Variants in SLC9A3 observed in about 807,000 individuals in gnomAD.
SLC9A3 encodes the protein solute carrier family 9 member A3.
In SLC9A3, 37 loss-of-function variants were observed where a neutral mutation model predicts 86.8. The ratio of observed to expected loss-of-function variants is 0.43; its 90% CI spans 0.33 to 0.56. The LOEUF (loss-of-function observed/expected upper bound fraction) is 0.56. Ranked by LOEUF, SLC9A3 falls within the 20% of genes least tolerant of loss-of-function variation. The probability of loss-of-function intolerance (pLI) is 0.06; values close to 1 mark genes in which losing one functional copy is unlikely to be tolerated. For missense variants in SLC9A3, 1,011 were observed against 1,171.9 expected (o/e 0.86, Z 2.00); for synonymous variants, 581 against 528.3 (o/e 1.10, Z -1.37).
intron 1 of SLC9A3, among the ~76,000 whole-genome samples, chr5:502,784 A>G (rs918382760): frequency 7.9e-5 from 12 of 152,208 alleles, no homozygotes; most frequent in Non-Finnish European, 2.9e-5. Flanking sequence ...ATAACCACTC[A>G]CTACCAGTGA....
chr5:509,808 G>T (rs1006274540), intron 1 of SLC9A3, among the ~76,000 whole-genome samples: 6 of 152,156 alleles, frequency 3.9e-5, no homozygotes, highest in African/African-American at 1.4e-4. Context: ...TCCGTGTCTC[G>T]CATGGATGCC....
intron 2 of SLC9A3, among the ~76,000 whole-genome samples, chr5:488,956 C>A (rs111275646): frequency 6.6e-6 from 1 of 152,148 alleles, no homozygotes; most frequent in South Asian, 2.1e-4. Flanking sequence ...AGCAGGGCTG[C>A]GGTGGGAGCA....
rs763253839 is a variant in SLC9A3 at position 485,176 on chromosome 5, C to G, written c.731G>C (p.Gly244Ala). ...ACCTATGCCCTTCACGCAGTCCACG[C>G]CAGTCACGTTGTCACCTCCCAGCGC... ...FVALGGDNVT[G>A]VDCVKGIVSF... Residue 244 changes from glycine to alanine, a missense_variant, in exon 4 of 17, where the codon GGC becomes GCC. Around this residue, in one of 3 missense-constraint regions of SLC9A3, gnomAD observed 565 missense variants for 790.0 expected, o/e 0.72. Transcript: ENST00000264938. The G allele has an allele frequency of 6.2e-7, 1 of 1,613,920 alleles. No homozygotes were observed. Among genetic ancestry groups the G allele is most frequent in the South Asian group, 1.1e-5 (1 of 91,080 alleles).
At position 473,216 on chromosome 5, in the gene SLC9A3, C is replaced by T. The variant is rs1482695290; in HGVS notation, c.*163G>A. On this transcript the variant is annotated 3_prime_UTR_variant, in exon 17 of 17. Coordinates refer to ENST00000264938, the MANE Select transcript of SLC9A3 (RefSeq NM_004174.4). ...GCTCTGCGGGCGCAGGCGCGGCACT[C>T]TCGGAGTTCTGCGCAGGCGCTGGCG... 1 of 761,580 alleles carries T rather than the reference C, an allele frequency of 1.3e-6. No individual in the cohort carries two copies. The highest frequency in any genetic ancestry group is 2.0e-5 in the African/African-American group (1 of 49,576). 47.2% of individuals were successfully genotyped at this position (761,580 alleles called of 1,614,324 possible).
In SLC9A3 at chr5:496,307, C is replaced by T. The variant is rs1464473060; in HGVS notation, c.212-4236G>A. On this transcript the variant is annotated intron_variant, in intron 1 of 16. Transcript: ENST00000264938. The surrounding 1 kb of genome is among the most constrained non-coding windows in gnomAD (Gnocchi z 4.7). ...CTGTGTCCTCCTGCATGGGACATGC[C>T]GTCCCACCTGCCCACGGGGGAGGAG... is the stretch of plus-strand genomic sequence containing the variant. 6.6e-6 allele frequency among the ~76,000 whole-genome samples: 1 copy of T among 151,180 alleles called. No individual in the cohort carries two copies. Among genetic ancestry groups the T allele is most frequent in the Non-Finnish European group, 1.5e-5 (1 of 67,780 alleles).
intron 1 of SLC9A3, among the ~76,000 whole-genome samples, chr5:510,469 G>A (rs1054119348): frequency 1.2e-4 from 18 of 152,178 alleles, no homozygotes; most frequent in African/African-American, 2.7e-4. Context: ...ACTGGGGAGC[G>A]GGGCCCAGGG....
chr5:492,120 G>T, intron 1 of SLC9A3, 49 bp from the exon 2 acceptor site: 1 of 1,151,320 alleles, frequency 8.7e-7, no homozygotes, highest in South Asian at 1.7e-5. Context: ...GGGAGGGGAG[G>T]GAGGTCAGGG....
chr5:474,060 G>A (rs1449022291), intron 16 of SLC9A3, among the ~76,000 whole-genome samples: 1 of 152,264 alleles, frequency 6.6e-6, no homozygotes, highest in Non-Finnish European at 1.5e-5. Context: ...CGGCCAGCAG[G>A]GCGCTAGAGG....
At chr5:500,275 G>A (rs890362046) in intron 1 of SLC9A3, among the ~76,000 whole-genome samples, 1 of 152,226 alleles carries the variant, frequency 6.6e-6, no homozygotes, top group Non-Finnish European at 1.5e-5. Context: ...GCCAAACCAC[G>A]AGAAGCTCCA....
rs375423450 is a variant in SLC9A3 at position 484,501 on chromosome 5, G to C, written c.932+19C>G. On this transcript the variant is annotated intron_variant, in intron 5 of 16. Coordinates refer to ENST00000264938, the MANE Select transcript of SLC9A3 (RefSeq NM_004174.4). ...GGGAGGAGGGCGTGGAGAAGCTCGCGTGTGTGGGAGGGACTCACGCGAGGA... is the reference window on the plus strand; with the variant it reads ...GGGAGGAGGGCGTGGAGAAGCTCGCCTGTGTGGGAGGGACTCACGCGAGGA... 7 of 1,611,416 alleles carry C rather than the reference G, an allele frequency of 4.3e-6. No individual in the cohort carries two copies. The highest frequency in any genetic ancestry group is 1.1e-5 in the South Asian group (1 of 91,044).
chr5:476,114 G>A, intron 13 of SLC9A3, 22 bp from the exon 14 acceptor site: 6 of 1,612,592 alleles, frequency 3.7e-6, no homozygotes, highest in Non-Finnish European at 5.1e-6. Flanking sequence ...ACGTGAAGCT[G>A]CTCACACCCC....
In SLC9A3 at chr5:476,084, G is replaced by A; in HGVS notation, c.2076C>T (p.Ser692=). The part of the protein sequence containing the change: ...KRERAQKRRN[S]SIPNGKLPME... ...TGGGCAGCTTCCCATTGGGGATGCT[G>A]CTGTTTCTCTGCGGAGCAAACGTGA... The change falls in exon 14 of 17, where the codon AGC becomes AGT. Residue 692 remains serine, a synonymous_variant. Transcript: ENST00000264938. The A allele has an allele frequency of 6.2e-7, 1 of 1,613,400 alleles. No individual in the cohort carries two copies. Among genetic ancestry groups the A allele is most frequent in the Non-Finnish European group, 8.5e-7 (1 of 1,179,858 alleles).
chr5:514,280 T>C (rs1733659411), intron 1 of SLC9A3, among the ~76,000 whole-genome samples: 1 of 152,160 alleles, frequency 6.6e-6, no homozygotes, highest in African/African-American at 2.4e-5. Context: ...ACACTCCCTC[T>C]TCCTCCCTGA....
At chr5:507,132 G>A (rs1217779111) in intron 1 of SLC9A3, among the ~76,000 whole-genome samples, 3 of 142,880 alleles carry the variant, frequency 2.1e-5, no homozygotes, top group African/African-American at 7.7e-5. Context: ...AAAGTTATTG[G>A]GTCAGGTAAG....
Position 476,545 on chromosome 5 carries a change from C to G in SLC9A3, c.1888G>C (p.Glu630Gln), listed in dbSNP as rs1738750221. The G allele has an allele frequency of 6.2e-7, 1 of 1,611,126 alleles. No homozygotes were observed. The highest frequency in any genetic ancestry group is 8.5e-7 in the Non-Finnish European group (1 of 1,179,670). Residue 630 changes from glutamate (E) to glutamine (Q), a missense_variant and splice_region_variant, in exon 12 of 17, where the codon GAG becomes CAG. This residue lies in a region of SLC9A3 where 397 missense variants were observed against 346.3 expected (regional missense o/e 1.15). Coordinates refer to ENST00000264938, the MANE Select transcript of SLC9A3 (RefSeq NM_004174.4). ...AGCCCCCAGCCCGCAGTGCCCACCT[C>G]CTGCCGCGGCTTGTACAGGTACTGC... ...LQQYLYKPRQEYKHLYSRHEL... is the reference protein window; with the variant it reads ...LQQYLYKPRQQYKHLYSRHEL...
chr5:504,066 A>C (rs904486969), intron 1 of SLC9A3, among the ~76,000 whole-genome samples: 1 of 151,888 alleles, frequency 6.6e-6, no homozygotes, highest in Non-Finnish European at 1.5e-5. Flanking sequence ...CGTCTTCATC[A>C]ATCACGGAAG....
Position 473,228 on chromosome 5 carries a change from C to T in SLC9A3, c.*151G>A. On this transcript the variant is annotated 3_prime_UTR_variant, in exon 17 of 17. Transcript: ENST00000264938. ...CAGGCGCGGCACTCTCGGAGTTCTG[C>T]GCAGGCGCTGGCGTGGGCGAGGCGG... The T allele has an allele frequency of 1.1e-6, 1 of 878,938 alleles. No individual in the cohort carries two copies. The highest frequency in any genetic ancestry group is 1.5e-6 in the Non-Finnish European group (1 of 666,386). The allele number at this position is 878,938 out of a possible 1,614,324, so 54.4% of individuals were successfully genotyped here.
intron 1 of SLC9A3, among the ~76,000 whole-genome samples, chr5:495,328 T>C (rs1319697951): frequency 6.9e-6 from 1 of 144,570 alleles, no homozygotes; most frequent in Non-Finnish European, 1.6e-5. Flanking sequence ...AGGGACCAGC[T>C]TTGTCTTTAA....
At chr5:485,101 T>C (rs1739401009) in intron 4 of SLC9A3, 52 bp downstream of exon 4, 1 of 1,330,048 alleles carries the variant, frequency 7.5e-7, no homozygotes, top group Admixed American at 1.7e-5. Flanking sequence ...AGAAGACAGT[T>C]GGCCCCAGAG....
Sources: allele counts gnomAD v4.1 joint callset (sites outside exome capture counted in the v4.1 genomes callset), GRCh38; gene constraint gnomAD v4.1.1; regional missense constraint gnomAD v4.1.1; non-coding constraint Gnocchi (gnomAD v3.1); transcripts MANE v1.5; gene names NCBI Gene and HGNC (gene_info 2026-07-23, HGNC 2026-07-21).